Variants in NKAIN2 observed in about 807,000 individuals in gnomAD.
NKAIN2 encodes sodium/potassium transporting ATPase interacting 2.
Under a neutral mutation model 32.6 loss-of-function variants are expected in NKAIN2, and 14 were observed. The observed-to-expected ratio is 0.43, with a 90% CI of 0.28 to 0.67. The LOEUF is 0.67. NKAIN2 is among the 30% of genes least tolerant of loss of function. The pLI is 0.17. For missense variants in NKAIN2, 198 were observed against 258.3 expected (o/e 0.77, Z 1.60); for synonymous variants, 80 against 87.2 (o/e 0.92, Z 0.46).
In NKAIN2 at chr6:124,485,160, A is replaced by T. The variant is rs546816991; in HGVS notation, c.273+129813A>T. ...TTCCTACATCGGTAATCCTCAAAGG[A>T]TGGGCCAGGACCAGCAGCAGCATCA... is the stretch of plus-strand genomic sequence containing the variant. On this transcript the variant is annotated intron_variant, in intron 3 of 6. Transcript: ENST00000368417. Among the ~76,000 whole-genome samples the T allele has an allele frequency of 7.7e-4, 117 of 152,278 alleles. 1 individual carries two copies. Among genetic ancestry groups the T allele is most frequent in the Middle Eastern group, 6.8e-3 (2 of 294 alleles).
intron 1 of NKAIN2, among the ~76,000 whole-genome samples, chr6:124,227,671 T>C (rs914928706): frequency 4.6e-5 from 7 of 152,156 alleles, no homozygotes; most frequent in East Asian, 1.9e-4. Context: ...TAAGGACTTA[T>C]TATTTTGGAT....
chr6:124,688,950 T>C (rs1412871579), intron 4 of NKAIN2, among the ~76,000 whole-genome samples: 1 of 152,136 alleles, frequency 6.6e-6, no homozygotes, highest in East Asian at 1.9e-4. Context: ...TGTGCACAGA[T>C]TGTGGTGTGG....
intron 3 of NKAIN2, among the ~76,000 whole-genome samples, chr6:124,463,391 TC>T (rs1022658267): frequency 3.9e-5 from 6 of 152,076 alleles, no homozygotes; most frequent in Non-Finnish European, 8.8e-5. Context: ...CCTTAATGCT[TC>T]CAAGATAAAT....
At chr6:124,682,858 C>T (rs892575986) in intron 4 of NKAIN2, among the ~76,000 whole-genome samples, 1 of 152,114 alleles carries the variant, frequency 6.6e-6, no homozygotes, top group Non-Finnish European at 1.5e-5. Context: ...GAAGGCCCAG[C>T]TAAAAAGATT....
intron 3 of NKAIN2, among the ~76,000 whole-genome samples, chr6:124,475,368 T>C (rs1412127555): frequency 1.3e-5 from 2 of 152,164 alleles, no homozygotes; most frequent in South Asian, 2.1e-4. Flanking sequence ...ATTATCACCT[T>C]CTGAAATAAC....
intron 1 of NKAIN2, among the ~76,000 whole-genome samples, chr6:123,975,247 G>A (rs1397201): frequency 0.65 from 98,659 of 151,902 alleles, 32,474 homozygotes; most frequent in East Asian, 0.88. Flanking sequence ...ATTATAATTC[G>A]TTTTTAAAGG....
At chr6:124,162,059 A>C (rs951321969) in intron 1 of NKAIN2, among the ~76,000 whole-genome samples, 3 of 152,176 alleles carry the variant, frequency 2.0e-5, no homozygotes, top group Admixed American at 2.0e-4. Flanking sequence ...ATTATTTCTA[A>C]GTTTTCTTTT....
intron 1 of NKAIN2, among the ~76,000 whole-genome samples, chr6:123,819,023 G>A (rs749797273): frequency 4.6e-5 from 7 of 152,112 alleles, no homozygotes; most frequent in Non-Finnish European, 8.8e-5. Context: ...TGTAGGATGT[G>A]AGCAAAGGGG....
intron 2 of NKAIN2, among the ~76,000 whole-genome samples, chr6:124,324,246 A>G (rs1286519170): frequency 1.3e-5 from 2 of 152,186 alleles, no homozygotes; most frequent in Non-Finnish European, 2.9e-5. Flanking sequence ...TGAACATGGT[A>G]TGTCTCTTCA....
At position 123,815,663 on chromosome 6, in the gene NKAIN2, T is replaced by G. The variant is rs112028407; in HGVS notation, c.54+11409T>G. ...AAACCCCTAGTATAAATTCTTAATT[T>G]TTTTTGTCTGCCATTTCATGAAGAG... On this transcript the variant is annotated intron_variant, in intron 1 of 6. Coordinates refer to ENST00000368417, the MANE Select transcript of NKAIN2 (RefSeq NM_001040214.3). Among the ~76,000 whole-genome samples the G allele has an allele frequency of 3.6e-3, 549 of 152,304 alleles. 3 individuals carry two copies. Among genetic ancestry groups the G allele is most frequent in the Non-Finnish European group, 6.3e-3 (431 of 68,034 alleles).
At chr6:124,364,250 A>AAAAAAG (rs3054409) in intron 3 of NKAIN2, among the ~76,000 whole-genome samples, 1 of 139,738 alleles carries the variant, frequency 7.2e-6, no homozygotes, top group Non-Finnish European at 1.5e-5. Context: ...AAAAAAAAAA[A>AAAAAAG]AGAGAGAAAA....
intron 4 of NKAIN2, among the ~76,000 whole-genome samples, chr6:124,783,042 A>G (rs1779344010): frequency 6.6e-6 from 1 of 152,082 alleles, no homozygotes; most frequent in Non-Finnish European, 1.5e-5. Context: ...TTCTTTGATC[A>G]TCTCCCAACC....
intron 4 of NKAIN2, among the ~76,000 whole-genome samples, chr6:124,759,024 AT>A (rs1485247179): frequency 6.6e-6 from 1 of 151,802 alleles, no homozygotes; most frequent in Non-Finnish European, 1.5e-5. Flanking sequence ...CATATATCCT[AT>A]TTCACTTCCT....
chr6:124,459,869 GTTTATA>G (rs936332458), intron 3 of NKAIN2, among the ~76,000 whole-genome samples: 7 of 151,722 alleles, frequency 4.6e-5, no homozygotes, highest in African/African-American at 1.2e-4. Flanking sequence ...AGTATCATCT[GTTTATA>G]TTTATTGTCA....
chr6:124,436,634 A>C (rs1279662591), intron 3 of NKAIN2, among the ~76,000 whole-genome samples: 1 of 152,120 alleles, frequency 6.6e-6, no homozygotes. Flanking sequence ...ATCCTAGAGC[A>C]AATCCCCTTG....
intron 3 of NKAIN2, among the ~76,000 whole-genome samples, chr6:124,402,228 A>G (rs1276215043): frequency 1.3e-5 from 2 of 152,160 alleles, no homozygotes; most frequent in Non-Finnish European, 2.9e-5. Flanking sequence ...GACCTAAAAG[A>G]TTTATTGACT....
At chr6:124,149,143 A>C (rs1309097813) in intron 1 of NKAIN2, among the ~76,000 whole-genome samples, 1 of 152,070 alleles carries the variant, frequency 6.6e-6, no homozygotes, top group African/African-American at 2.4e-5. Context: ...TCCCACTTAA[A>C]AAAAAAAGGT....
chr6:124,104,067 A>G (rs745578873), intron 1 of NKAIN2, among the ~76,000 whole-genome samples: 3 of 152,192 alleles, frequency 2.0e-5, no homozygotes, highest in East Asian at 1.9e-4. Context: ...AGCCTGAGCG[A>G]CAGAGCGAGA....
intron 3 of NKAIN2, among the ~76,000 whole-genome samples, chr6:124,361,594 A>C (rs1382478060): frequency 2.0e-5 from 3 of 152,110 alleles, no homozygotes; most frequent in Admixed American, 2.0e-4. Flanking sequence ...GAACACATTT[A>C]GAAGCAACTC....
Sources: allele counts gnomAD v4.1 joint callset (sites outside exome capture counted in the v4.1 genomes callset), GRCh38; gene constraint gnomAD v4.1.1; transcripts MANE v1.5; gene names NCBI Gene and HGNC (gene_info 2026-07-23, HGNC 2026-07-21).